DPY19L1: variants seen among roughly 807,000 people sequenced by gnomAD.
DPY19L1 encodes protein C-mannosyl-transferase DPY19L1.
In DPY19L1, 35 loss-of-function variants were observed where a neutral mutation model predicts 96.9. The observed-to-expected ratio is 0.36, with a 90% CI of 0.28 to 0.48. The LOEUF (loss-of-function observed/expected upper bound fraction) is 0.48, where lower values mean the gene tolerates loss of function less well. Ranked by LOEUF, DPY19L1 falls within the 20% of genes least tolerant of loss-of-function variation. DPY19L1 has a pLI of 0.99. For missense variants in DPY19L1, 521 were observed against 777.9 expected, an observed-to-expected ratio of 0.67 and a Z score of 3.93; for synonymous variants, 205 against 252.6, an observed-to-expected ratio of 0.81 and a Z score of 1.79.
intron 14 of DPY19L1, among the ~76,000 whole-genome samples, chr7:34,948,296 T>A (rs1376753350): frequency 6.6e-6 from 1 of 152,194 alleles, no homozygotes. Context: ...TACTTTTATG[T>A]GTGTTAATTA....
intron 13 of DPY19L1, among the ~76,000 whole-genome samples, chr7:34,952,672 ATAC>A (rs1292645950): frequency 3.3e-5 from 5 of 152,204 alleles, no homozygotes; most frequent in African/African-American, 9.6e-5. Flanking sequence ...TAGAAAAGAA[ATAC>A]TACATTTGAG....
Position 35,037,278 on chromosome 7 carries a change from C to A in DPY19L1, c.117G>T (p.Gly39=), listed in dbSNP as rs1446357634. Residue 39 remains glycine (G), a synonymous_variant, in exon 1 of 22, where the codon GGG becomes GGT. Transcript: ENST00000638088. ...CCGGGGACAGGGGCGCGCGCTCGGG[C>A]CCCGGCTCCCCGGCGCCGACGTCCG... is the stretch of plus-strand genomic sequence containing the variant. The part of the protein sequence containing the change: ...GASDVGAGEP[G]PERAPLSPGR... The A allele has an allele frequency of 3.1e-6, 1 of 327,526 alleles. No individual in the cohort carries two copies. Among genetic ancestry groups the A allele is most frequent in the African/African-American group, 2.2e-5 (1 of 45,438 alleles). 20.3% of individuals were successfully genotyped at this position (327,526 alleles called of 1,614,324 possible).
chr7:34,957,328 T>C (rs544442264), intron 11 of DPY19L1, among the ~76,000 whole-genome samples: 4 of 151,906 alleles, frequency 2.6e-5, no homozygotes, highest in Non-Finnish European at 5.9e-5. Flanking sequence ...TGAGCCAAGA[T>C]TGCGCCATTG....
chr7:34,982,747 G>T (rs528206153), intron 7 of DPY19L1, among the ~76,000 whole-genome samples: 1 of 152,262 alleles, frequency 6.6e-6, no homozygotes, highest in African/African-American at 2.4e-5. Flanking sequence ...ATGAGTATTT[G>T]TTGTGACAGC....
intron 10 of DPY19L1, among the ~76,000 whole-genome samples, chr7:34,965,339 G>GT (rs1299720678): frequency 9.9e-5 from 15 of 152,168 alleles, no homozygotes; most frequent in African/African-American, 3.6e-4. Flanking sequence ...CTAGTTACAT[G>GT]TAAGTAGCAG....
intron 1 of DPY19L1, among the ~76,000 whole-genome samples, chr7:35,021,420 T>A (rs1785992449): frequency 6.6e-6 from 1 of 152,218 alleles, no homozygotes; most frequent in Non-Finnish European, 1.5e-5. Flanking sequence ...TTCCTGACAC[T>A]CTTTCACAGT....
intron 18 of DPY19L1, among the ~76,000 whole-genome samples, 168 bp downstream of exon 18, chr7:34,941,597 A>G (rs2128781794): frequency 6.6e-6 from 1 of 152,372 alleles, no homozygotes; most frequent in East Asian, 1.9e-4. Flanking sequence ...CTTTAGAAAG[A>G]TAGAAAATGA....
intron 1 of DPY19L1, among the ~76,000 whole-genome samples, chr7:35,034,173 T>G (rs56384460): frequency 6.6e-6 from 1 of 152,198 alleles, no homozygotes; most frequent in Admixed American, 6.5e-5. Flanking sequence ...CTTGTTTTAT[T>G]GTTGTGTATA....
intron 7 of DPY19L1, among the ~76,000 whole-genome samples, chr7:34,979,676 G>A (rs1784899524): frequency 6.6e-6 from 1 of 152,058 alleles, no homozygotes; most frequent in South Asian, 2.1e-4. Flanking sequence ...AGACACCAGT[G>A]AGATATATCA....
At chr7:35,005,230 G>A (rs536315355) in intron 6 of DPY19L1, among the ~76,000 whole-genome samples, 21 of 151,998 alleles carry the variant, frequency 1.4e-4, no homozygotes, top group African/African-American at 3.6e-4. Context: ...AGGGGAGAAC[G>A]ATACAAAGAA....
intron 11 of DPY19L1, among the ~76,000 whole-genome samples, chr7:34,957,185 C>T (rs1245685587): frequency 1.3e-5 from 2 of 151,426 alleles, no homozygotes; most frequent in South Asian, 2.1e-4. Context: ...GAGTTAGAGA[C>T]CAGCCTGACC....
intron 7 of DPY19L1, among the ~76,000 whole-genome samples, chr7:34,977,887 A>G (rs1584232898): frequency 6.6e-6 from 1 of 152,182 alleles, no homozygotes; most frequent in East Asian, 1.9e-4. Context: ...AAATAAATTC[A>G]ATAAAAATCT....
intron 10 of DPY19L1, among the ~76,000 whole-genome samples, chr7:34,959,237 G>C (rs1379961711): frequency 1.3e-5 from 2 of 152,222 alleles, no homozygotes; most frequent in Admixed American, 6.5e-5. Flanking sequence ...ATGATGTGGA[G>C]AAATAGGAAC....
chr7:34,979,352 A>G (rs545457629), intron 7 of DPY19L1, among the ~76,000 whole-genome samples: 1 of 152,288 alleles, frequency 6.6e-6, no homozygotes, highest in South Asian at 2.1e-4. Context: ...ACAAAATGAA[A>G]GCATTAACCA....
intron 10 of DPY19L1, among the ~76,000 whole-genome samples, chr7:34,959,948 A>T (rs1334381707): frequency 7.5e-6 from 1 of 133,092 alleles, no homozygotes; most frequent in East Asian, 2.0e-4. Context: ...TATATATATA[A>T]AAGAACCTAG....
At chr7:34,972,151 C>T (rs1184805549) in intron 8 of DPY19L1, among the ~76,000 whole-genome samples, 1 of 152,216 alleles carries the variant, frequency 6.6e-6, no homozygotes, top group East Asian at 1.9e-4. Context: ...CCAAGAAATG[C>T]AGACAGCCTC....
At chr7:34,971,971 T>C (rs1383535917) in intron 8 of DPY19L1, among the ~76,000 whole-genome samples, 1 of 152,158 alleles carries the variant, frequency 6.6e-6, no homozygotes, top group Non-Finnish European at 1.5e-5. Flanking sequence ...TCCCGGATTA[T>C]CCAGGTGGAC....
rs147952681 is a variant in DPY19L1, at chr7:35,014,398, C to CAA, written c.412-695_412-694dup. ...AGCAAGGGTGAAATAATATGTGAGA[C>CAA]AAAAAAAAAACAAGAAAATACTAGA... On this transcript the variant is annotated intron_variant, in intron 3 of 21. Transcript: ENST00000638088. Among the ~76,000 whole-genome samples the CAA allele has an allele frequency of 1.2e-4, 18 of 146,588 alleles. 1 individual carries two copies. Among genetic ancestry groups the CAA allele is most frequent in the East Asian group, 4.0e-4 (2 of 5,008 alleles).
intron 10 of DPY19L1, among the ~76,000 whole-genome samples, chr7:34,958,775 T>C (rs1430133411): frequency 6.6e-6 from 1 of 152,212 alleles, no homozygotes; most frequent in Non-Finnish European, 1.5e-5. Flanking sequence ...TTTTAAATAT[T>C]TGCCAATCCA....
Sources: allele counts gnomAD v4.1 joint callset (sites outside exome capture counted in the v4.1 genomes callset), GRCh38; gene constraint gnomAD v4.1.1; transcripts MANE v1.5; gene names NCBI Gene and HGNC (gene_info 2026-07-23, HGNC 2026-07-21).